The following MBD5 variants were observed in gnomAD, a reference collection of about 807,000 sequenced individuals.
MBD5 encodes the protein methyl-CpG binding domain protein 5.
A neutral mutation model predicts 117.3 loss-of-function variants in MBD5; 13 were observed. The ratio of observed to expected loss-of-function variants is 0.11; its 90% CI spans 0.07 to 0.18. The LOEUF (loss-of-function observed/expected upper bound fraction) is 0.18, where lower values mean the gene tolerates loss of function less well. Ranked by LOEUF, MBD5 falls within the 10% of genes least tolerant of loss-of-function variation. MBD5 has a pLI of 1.00. For synonymous variants in MBD5, 727 were observed against 766.4 expected (o/e 0.95, Z 0.85); for missense variants, 1,879 against 2,093.8 (o/e 0.90, Z 2.00).
At chr2:148,241,139 T>A (rs547034288) in intron 3 of MBD5, among the ~76,000 whole-genome samples, 105 of 152,300 alleles carry the variant, frequency 6.9e-4, no homozygotes, top group Non-Finnish European at 1.1e-3. Flanking sequence ...GTATGTTAGA[T>A]ATAGATGACA....
chr2:148,203,930 T>C (rs1699209531), intron 2 of MBD5, among the ~76,000 whole-genome samples: 1 of 152,224 alleles, frequency 6.6e-6, no homozygotes, highest in African/African-American at 2.4e-5. Flanking sequence ...CTTCTGTTCA[T>C]GTATTTTCAT....
intron 4 of MBD5, among the ~76,000 whole-genome samples, chr2:148,384,119 G>T (rs1704258994): frequency 6.6e-6 from 1 of 152,044 alleles, no homozygotes; most frequent in Admixed American, 6.6e-5. Flanking sequence ...AGGGCAATCA[G>T]GCAGGAGAAG....
chr2:148,162,596 CT>C (rs1698034177), intron 1 of MBD5, among the ~76,000 whole-genome samples: 1 of 152,006 alleles, frequency 6.6e-6, no homozygotes, highest in Admixed American at 6.6e-5. Flanking sequence ...AAATTACTGG[CT>C]ATCAAATACT....
chr2:148,386,442 G>C (rs1166794914), intron 4 of MBD5, among the ~76,000 whole-genome samples: 1 of 152,062 alleles, frequency 6.6e-6, no homozygotes, highest in African/African-American at 2.4e-5. Context: ...ATGCCGGCCG[G>C]GCGCGGTGGC....
intron 4 of MBD5, among the ~76,000 whole-genome samples, chr2:148,457,039 T>C (rs1449899202): frequency 2.0e-5 from 3 of 152,156 alleles, no homozygotes; most frequent in African/African-American, 4.8e-5. Flanking sequence ...GTTACTTGAT[T>C]AAGTTATGCA....
chr2:148,303,602 A>G (rs1380244537), intron 3 of MBD5, among the ~76,000 whole-genome samples: 1 of 152,258 alleles, frequency 6.6e-6, no homozygotes, highest in East Asian at 1.9e-4. Flanking sequence ...AAATAAAAGC[A>G]TATATTCTTT....
intron 4 of MBD5, among the ~76,000 whole-genome samples, chr2:148,404,449 C>T (rs1484737712): frequency 6.7e-6 from 1 of 149,612 alleles, no homozygotes; most frequent in African/African-American, 2.4e-5. Flanking sequence ...CAAAAGGAAA[C>T]TTCTATAGAT....
At position 148,393,925 on chromosome 2, in the gene MBD5, G is replaced by A. The variant is rs143922201; in HGVS notation, c.-557+51589G>A. The stretch of plus-strand genomic sequence containing the variant: ...AATAGGAGTTATTGAGAGTCACTGA[G>A]GATATATTGAAATTTTGAATTGAAA... On this transcript the variant is annotated intron_variant, in intron 4 of 13. Transcript: ENST00000642680. 7.9e-5 allele frequency among the ~76,000 whole-genome samples: 12 copies of A among 152,222 alleles called. No homozygotes were observed. In the East Asian group the frequency reaches 2.3e-3, roughly 29 times the overall value.
intron 3 of MBD5, among the ~76,000 whole-genome samples, chr2:148,299,915 C>T (rs1701742605): frequency 6.6e-6 from 1 of 152,214 alleles, no homozygotes; most frequent in African/African-American, 2.4e-5. Context: ...TTACTGCTTT[C>T]TCTTAAGCAG....
intron 4 of MBD5, among the ~76,000 whole-genome samples, chr2:148,378,034 G>T (rs1048473180): frequency 8.5e-5 from 13 of 152,112 alleles, no homozygotes; most frequent in Admixed American, 2.0e-4. Context: ...TAAGATTTGG[G>T]ATTGAGGCTG....
At chr2:148,112,956 C>T (rs996841571) in intron 1 of MBD5, among the ~76,000 whole-genome samples, 3 of 152,018 alleles carry the variant, frequency 2.0e-5, no homozygotes, top group Non-Finnish European at 4.4e-5. Context: ...AGTTTGAGTT[C>T]GAGACCAACT....
chr2:148,134,108 G>A (rs1697116021), intron 1 of MBD5, among the ~76,000 whole-genome samples: 1 of 151,980 alleles, frequency 6.6e-6, no homozygotes. Flanking sequence ...TGATGGCCGT[G>A]TATTAGCCAG....
chr2:148,152,187 CT>C (rs1246618234), intron 1 of MBD5, among the ~76,000 whole-genome samples: 2 of 152,132 alleles, frequency 1.3e-5, no homozygotes, highest in Non-Finnish European at 2.9e-5. Context: ...CTGCCTTCAT[CT>C]CGTTATGTAC....
chr2:148,352,437 G>C (rs925510631), intron 4 of MBD5, among the ~76,000 whole-genome samples: 98 of 152,060 alleles, frequency 6.4e-4, no homozygotes, highest in Middle Eastern at 3.4e-3. Flanking sequence ...AAACAAGTTA[G>C]TGACATTGAT....
intron 4 of MBD5, among the ~76,000 whole-genome samples, chr2:148,396,150 C>G (rs560191167): frequency 6.6e-6 from 1 of 152,244 alleles, no homozygotes; most frequent in East Asian, 1.9e-4. Context: ...TATTACATTC[C>G]TGGAACTGCT....
chr2:148,162,612 A>G (rs1355575557), intron 1 of MBD5, among the ~76,000 whole-genome samples: 1 of 152,238 alleles, frequency 6.6e-6, no homozygotes, highest in Non-Finnish European at 1.5e-5. Context: ...AATACTAGTA[A>G]AAATTAGCAA....
At chr2:148,426,010 GACAA>G (rs1468176018) in intron 4 of MBD5, among the ~76,000 whole-genome samples, 1 of 152,084 alleles carries the variant, frequency 6.6e-6, no homozygotes, top group Non-Finnish European at 1.5e-5. Context: ...ACCAATAACA[GACAA>G]ACAGAGAGCC....
chr2:148,374,964 T>C (rs1286293813), intron 4 of MBD5, among the ~76,000 whole-genome samples: 4 of 152,250 alleles, frequency 2.6e-5, no homozygotes, highest in African/African-American at 9.6e-5. Context: ...AGTGATATTA[T>C]TTTGAATTCA....
chr2:148,242,895 A>T (rs1037541495), intron 3 of MBD5, among the ~76,000 whole-genome samples: 2 of 152,222 alleles, frequency 1.3e-5, no homozygotes, highest in African/African-American at 4.8e-5. Flanking sequence ...ATTTTTAAGC[A>T]GTGCATAGGA....
Sources: gnomAD v4.1 joint callset for allele counts (sites outside exome capture counted in the v4.1 genomes callset) on GRCh38, gnomAD v4.1.1 for gene constraint, MANE v1.5 for transcripts, NCBI Gene and HGNC (gene_info 2026-07-23, HGNC 2026-07-21) for gene names.